The following SLC2A13 variants were observed in gnomAD, a reference collection of about 807,000 sequenced individuals.
SLC2A13 encodes solute carrier family 2 member 13, also known as proton myo-inositol cotransporter.
SLC2A13 carries 32 observed loss-of-function variants against 64.4 expected under a neutral mutation model. That is an observed-to-expected ratio of 0.50 (90% confidence interval 0.37 to 0.67). The LOEUF (loss-of-function observed/expected upper bound fraction) is 0.67. Among genes scored for constraint, SLC2A13 ranks in the 30% least tolerant of loss-of-function variants. The pLI, the probability that SLC2A13 is intolerant of heterozygous loss-of-function variation, is 0.00. For synonymous variants in SLC2A13, 338 were observed against 327.1 expected (o/e 1.03, Z -0.36); for missense variants, 743 against 829.2 (o/e 0.90, Z 1.28).
chr12:40,004,479 C>T (rs1947377133), intron 3 of SLC2A13, among the ~76,000 whole-genome samples: 1 of 152,148 alleles, frequency 6.6e-6, no homozygotes, highest in East Asian at 1.9e-4. Context: ...CCACCATACC[C>T]GGCCACTGTA....
chr12:39,959,528 T>C (rs1946373589), intron 3 of SLC2A13, among the ~76,000 whole-genome samples: 1 of 152,242 alleles, frequency 6.6e-6, no homozygotes, highest in Admixed American at 6.5e-5. Context: ...GAGATGATTA[T>C]AGGTCTTAAT....
intron 4 of SLC2A13, chr12:39,950,154 G>C (rs1946202731): frequency 6.6e-6 from 1 of 152,018 alleles, no homozygotes; most frequent in Admixed American, 6.6e-5. Flanking sequence ...TAATATACTG[G>C]CTCATTGGGT....
intron 4 of SLC2A13, among the ~76,000 whole-genome samples, chr12:39,919,478 A>C (rs1218469653): frequency 2.6e-5 from 4 of 152,026 alleles, no homozygotes; most frequent in Non-Finnish European, 5.9e-5. Context: ...ATTTCATCCC[A>C]CTTTTGTTTT....
intron 1 of SLC2A13, among the ~76,000 whole-genome samples, chr12:40,093,311 C>A (rs1284418703): frequency 6.6e-6 from 1 of 152,186 alleles, no homozygotes; most frequent in Non-Finnish European, 1.5e-5. Flanking sequence ...CCTACAACAT[C>A]CTTGATCCAA....
chr12:40,086,204 C>T (rs1287614485), intron 1 of SLC2A13, among the ~76,000 whole-genome samples: 1 of 152,104 alleles, frequency 6.6e-6, no homozygotes, highest in Non-Finnish European at 1.5e-5. Flanking sequence ...CTGGGAGATG[C>T]TGAGCAAGGC....
At chr12:39,851,163 G>A (rs151058855) in intron 6 of SLC2A13, among the ~76,000 whole-genome samples, 2,144 of 152,246 alleles carry the variant, frequency 0.014, 38 homozygotes, top group African/African-American at 0.047. Context: ...GCCTCACAAA[G>A]TGCTGAGATT....
intron 7 of SLC2A13, among the ~76,000 whole-genome samples, chr12:39,766,790 T>C (rs945714225): frequency 1.3e-5 from 2 of 152,094 alleles, no homozygotes; most frequent in African/African-American, 4.8e-5. Flanking sequence ...TTGTTCCTCC[T>C]TAAGAAACAA....
At chr12:40,006,096 T>C (rs1356947204) in intron 3 of SLC2A13, among the ~76,000 whole-genome samples, 2 of 148,512 alleles carry the variant, frequency 1.3e-5, no homozygotes, top group Non-Finnish European at 3.0e-5. Context: ...CATATGAGTA[T>C]AAATTAATAA....
intron 7 of SLC2A13, among the ~76,000 whole-genome samples, chr12:39,768,220 G>A (rs1233977439): frequency 6.6e-6 from 1 of 152,048 alleles, no homozygotes; most frequent in African/African-American, 2.4e-5. Context: ...GAATTAAATG[G>A]AATTAGAGAC....
intron 1 of SLC2A13, among the ~76,000 whole-genome samples, chr12:40,051,921 C>G (rs538567873): frequency 6.6e-6 from 1 of 151,910 alleles, no homozygotes; most frequent in Admixed American, 6.6e-5. Context: ...AGTTGGAGTA[C>G]GGAAAATTGA....
intron 7 of SLC2A13, among the ~76,000 whole-genome samples, chr12:39,777,233 G>A (rs1433012664): frequency 6.6e-6 from 1 of 152,126 alleles, no homozygotes; most frequent in East Asian, 1.9e-4. Flanking sequence ...GAAAAGAAGA[G>A]ACCGGACTAA....
At chr12:39,969,484 T>C (rs1322924038) in intron 3 of SLC2A13, among the ~76,000 whole-genome samples, 22 of 152,228 alleles carry the variant, frequency 1.4e-4, no homozygotes, top group Non-Finnish European at 2.9e-4. Context: ...TTTTTAATGA[T>C]TGCCATTCTA....
At chr12:40,006,251 T>C (rs1487788622) in intron 3 of SLC2A13, among the ~76,000 whole-genome samples, 1 of 152,242 alleles carries the variant, frequency 6.6e-6, no homozygotes, top group Non-Finnish European at 1.5e-5. Context: ...AATTTTGAAA[T>C]GTATAAGCTG....
intron 2 of SLC2A13, among the ~76,000 whole-genome samples, chr12:40,032,202 T>G (rs1004887972): frequency 6.6e-6 from 1 of 152,144 alleles, no homozygotes; most frequent in Non-Finnish European, 1.5e-5. Flanking sequence ...ACCAAGGATC[T>G]AAATGTTTTT....
chr12:39,843,038 C>T (rs74086737), intron 6 of SLC2A13, among the ~76,000 whole-genome samples: 2,767 of 151,914 alleles, frequency 0.018, 89 homozygotes, highest in African/African-American at 0.062. Flanking sequence ...GTTATTTCTA[C>T]GTTTTTTCGC....
chr12:39,971,271 A>G (rs1946641958), intron 3 of SLC2A13, among the ~76,000 whole-genome samples: 2 of 152,214 alleles, frequency 1.3e-5, no homozygotes, highest in Non-Finnish European at 2.9e-5. Flanking sequence ...ATCATTCGTA[A>G]TTATGCAACT....
chr12:40,102,971 C>A (rs992882370), intron 1 of SLC2A13, among the ~76,000 whole-genome samples: 5 of 152,150 alleles, frequency 3.3e-5, no homozygotes, highest in African/African-American at 1.2e-4. Context: ...AAACATTCTT[C>A]ATTTTGTAAA....
rs1939296265 is a variant in SLC2A13, at chr12:40,105,944, A to T, written c.-136T>A. 1.3e-5 allele frequency: 14 copies of T among 1,104,822 alleles called. No individual in the cohort carries two copies. The South Asian group carries it at 2.6e-4, about 20-fold the overall frequency. The allele number at this position is 1,104,822 out of a possible 1,614,324, so 68.4% of individuals were successfully genotyped here. A position where few individuals can be genotyped will look rare whatever the true frequency, so the allele number is the denominator to read the frequency against. On this transcript the variant is annotated 5_prime_UTR_variant, in exon 1 of 10. Coordinates refer to ENST00000280871, the MANE Select transcript of SLC2A13 (RefSeq NM_052885.4). The surrounding 1 kb of genome is among the most constrained non-coding windows in gnomAD (Gnocchi z 4.2). ...CCTCCCGGCTTCCGCTCCGGCTGCC[A>T]CGGCAGCAGCCGCCGCCACGGCCGC...
intron 3 of SLC2A13, 41 bp from the exon 4 acceptor site, chr12:39,951,406 T>C: frequency 2.0e-6 from 3 of 1,497,082 alleles, no homozygotes; most frequent in Non-Finnish European, 2.7e-6. Context: ...CAACTATTAT[T>C]TTTAGCTCTC....
Sources: gnomAD v4.1 joint callset for allele counts (sites outside exome capture counted in the v4.1 genomes callset) on GRCh38, gnomAD v4.1.1 for gene constraint, Gnocchi (gnomAD v3.1) non-coding constraint, MANE v1.5 for transcripts, NCBI Gene and HGNC (gene_info 2026-07-23, HGNC 2026-07-21) for gene names.